The following ZNF385D variants were observed in gnomAD, a reference collection of about 807,000 sequenced individuals.
The protein encoded by ZNF385D is zinc finger protein 659.
ZNF385D carries 15 observed loss-of-function variants against 35.8 expected under a neutral mutation model. The ratio of observed to expected loss-of-function variants is 0.42; its 90% CI spans 0.28 to 0.64. The LOEUF is 0.64. Ranked by LOEUF, ZNF385D falls within the 30% of genes least tolerant of loss-of-function variation. The pLI, the probability that ZNF385D is intolerant of heterozygous loss-of-function variation, is 0.23. For missense variants in ZNF385D, 474 were observed against 494.6 expected (o/e 0.96, Z 0.39); for synonymous variants, 212 against 186.8 (o/e 1.13, Z -1.10).
intron 1 of ZNF385D, among the ~76,000 whole-genome samples, chr3:21,714,232 C>T (rs1415125252): frequency 6.6e-6 from 1 of 152,138 alleles, no homozygotes; most frequent in African/African-American, 2.4e-5. Context: ...TTCCTGCTGT[C>T]CAGTAAACAA....
intron 4 of ZNF385D, among the ~76,000 whole-genome samples, chr3:21,500,168 A>G (rs2125436152): frequency 6.6e-6 from 1 of 152,348 alleles, no homozygotes; most frequent in South Asian, 2.1e-4. Flanking sequence ...TTTGATTTGT[A>G]TCACAAAGTA....
chr3:21,980,133 G>T (rs1235118215), intron 3 of ZNF385D, among the ~76,000 whole-genome samples: 1 of 152,170 alleles, frequency 6.6e-6, no homozygotes, highest in African/African-American at 2.4e-5. Context: ...CTTATAGAGA[G>T]GCTCTTGGGG....
At chr3:21,997,983 G>A (rs1416807801) in intron 3 of ZNF385D, among the ~76,000 whole-genome samples, 1 of 151,688 alleles carries the variant, frequency 6.6e-6, no homozygotes, top group African/African-American at 2.4e-5. Context: ...TAACCCTGCA[G>A]ATCAAAACAG....
chr3:22,316,292 T>C (rs1025517764), intron 2 of ZNF385D, among the ~76,000 whole-genome samples: 2 of 152,242 alleles, frequency 1.3e-5, no homozygotes, highest in Non-Finnish European at 2.9e-5. Flanking sequence ...ATTAAACTCC[T>C]GTCCTAAATC....
chr3:21,766,366 A>G (rs918631602), intron 3 of ZNF385D, among the ~76,000 whole-genome samples: 2 of 152,128 alleles, frequency 1.3e-5, no homozygotes, highest in African/African-American at 2.4e-5. Flanking sequence ...ATTACTGCCT[A>G]TCTGTTATGG....
chr3:21,552,910 G>C (rs1301264205), intron 3 of ZNF385D, among the ~76,000 whole-genome samples: 1 of 152,210 alleles, frequency 6.6e-6, no homozygotes, highest in Admixed American at 6.5e-5. Context: ...GAATTACCCA[G>C]GTTGGCCCTT....
At chr3:21,461,478 G>A (rs185880302) in intron 4 of ZNF385D, among the ~76,000 whole-genome samples, 82 of 152,246 alleles carry the variant, frequency 5.4e-4, no homozygotes, top group African/African-American at 1.9e-3. Flanking sequence ...AACCCAGGAG[G>A]CAGAGGTTGC....
intron 3 of ZNF385D, among the ~76,000 whole-genome samples, chr3:21,841,764 T>C (rs1243473930): frequency 3.9e-5 from 6 of 151,956 alleles, no homozygotes; most frequent in Admixed American, 3.9e-4. Flanking sequence ...TAGGAAGACC[T>C]TGACTTTATT....
At chr3:21,728,279 T>TATAATAATA (rs111369677) in intron 1 of ZNF385D, among the ~76,000 whole-genome samples, 3,454 of 144,830 alleles carry the variant, frequency 0.024, 104 homozygotes, top group African/African-American at 0.058. Flanking sequence ...GAACTTAAAG[T>TATAATAATA]ATAATAATAA....
At chr3:21,630,008 A>T (rs1216279707) in intron 2 of ZNF385D, among the ~76,000 whole-genome samples, 5 of 96,032 alleles carry the variant, frequency 5.2e-5, no homozygotes, top group Non-Finnish European at 7.5e-5. Context: ...GTCCCTCTGT[A>T]TATTTTTCCT....
At chr3:21,468,169 C>G (rs1228580027) in intron 4 of ZNF385D, among the ~76,000 whole-genome samples, 1 of 151,936 alleles carries the variant, frequency 6.6e-6, no homozygotes, top group Non-Finnish European at 1.5e-5. Flanking sequence ...CTCTGGGAGG[C>G]TGAGGCGGGC....
At chr3:21,719,191 GA>G (rs2068439164) in intron 1 of ZNF385D, among the ~76,000 whole-genome samples, 1 of 152,202 alleles carries the variant, frequency 6.6e-6, no homozygotes, top group Admixed American at 6.5e-5. Context: ...GGGCTTCTCA[GA>G]ACTGCAGAAT....
At chr3:22,047,725 T>C (rs568760065) in intron 3 of ZNF385D, among the ~76,000 whole-genome samples, 8 of 152,274 alleles carry the variant, frequency 5.3e-5, no homozygotes, top group African/African-American at 1.9e-4. Context: ...CAGTTATCTA[T>C]TTGACATACT....
At chr3:21,630,578 T>C (rs937431411) in intron 2 of ZNF385D, among the ~76,000 whole-genome samples, 1 of 152,088 alleles carries the variant, frequency 6.6e-6, no homozygotes, top group Non-Finnish European at 1.5e-5. Flanking sequence ...ACCATTAACA[T>C]ATCATGTACA....
intron 3 of ZNF385D, among the ~76,000 whole-genome samples, chr3:21,955,138 G>GA (rs1433150175): frequency 2.0e-5 from 3 of 151,948 alleles, no homozygotes; most frequent in East Asian, 1.9e-4. Flanking sequence ...TCAAACAAAG[G>GA]AAAAAAACTT....
At chr3:22,352,040 G>T (rs1346302914) in intron 2 of ZNF385D, among the ~76,000 whole-genome samples, 1 of 152,066 alleles carries the variant, frequency 6.6e-6, no homozygotes, top group African/African-American at 2.4e-5. Flanking sequence ...CCTTATCTGA[G>T]CCAGCCACAA....
chr3:21,442,193 C>A (rs1179817336), intron 4 of ZNF385D, among the ~76,000 whole-genome samples: 1 of 152,104 alleles, frequency 6.6e-6, no homozygotes, highest in African/African-American at 2.4e-5. Context: ...CATGGAGCAG[C>A]CAAGTTACAT....
At chr3:22,279,085 C>G (rs1426455885) in intron 2 of ZNF385D, among the ~76,000 whole-genome samples, 1 of 152,052 alleles carries the variant, frequency 6.6e-6, no homozygotes, top group Non-Finnish European at 1.5e-5. Context: ...AGGACTATCT[C>G]CATCTACTCT....
At chr3:22,323,976 G>C (rs962460172) in intron 2 of ZNF385D, among the ~76,000 whole-genome samples, 3 of 152,096 alleles carry the variant, frequency 2.0e-5, no homozygotes, top group African/African-American at 7.2e-5. Flanking sequence ...CTAGAAATGA[G>C]CTCATGGTCC....
Sources: gnomAD v4.1 joint callset for allele counts (sites outside exome capture counted in the v4.1 genomes callset) on GRCh38, gnomAD v4.1.1 for gene constraint, MANE v1.5 for transcripts, NCBI Gene and HGNC (gene_info 2026-07-23, HGNC 2026-07-21) for gene names.